CHI3L1: variants seen among roughly 807,000 people sequenced by gnomAD.
CHI3L1 encodes the protein chitinase-3-like protein 1.
CHI3L1 carries 30 observed loss-of-function variants against 40.7 expected under a neutral mutation model. That is an observed-to-expected ratio of 0.74 (90% CI 0.55 to 1.00). CHI3L1 has a LOEUF of 1.00. CHI3L1 is among the 50% of genes least tolerant of loss of function. CHI3L1 has a pLI of 0.00. For missense variants in CHI3L1, 493 were observed against 492.2 expected, an observed-to-expected ratio of 1.00 and a Z score of -0.01; for synonymous variants, 210 against 192.1, an observed-to-expected ratio of 1.09 and a Z score of -0.77.
rs1281134652 is a variant in CHI3L1 at position 203,184,437 on chromosome 1, GCCCTTGA to G, written c.314+132_314+138del. ...GCTTTCTTTGCTACACATCAGGCAGGCCCTTGACAAACAGGTAGGCCTTGTACCTATC... is the reference window on the plus strand; with the variant it reads ...GCTTTCTTTGCTACACATCAGGCAGGCAAACAGGTAGGCCTTGTACCTATC... On this transcript the variant is annotated intron_variant, in intron 4 of 9. Coordinates refer to ENST00000255409, the MANE Select transcript of CHI3L1 (RefSeq NM_001276.4). The G allele has an allele frequency of 5.9e-6, 4 of 677,512 alleles. No individual in the cohort carries two copies. The East Asian group carries it at 1.0e-4, about 17-fold the overall frequency. The allele number at this position is 677,512 out of a possible 1,614,324, so 42.0% of individuals were successfully genotyped here.
rs753255346 is a variant in CHI3L1 at position 203,183,635 on chromosome 1, C to A, written c.465+6G>T. Reference sequence around the variant, plus strand: ...CCTCCCTCCCTGTCCCTGACCTGACCAGCACCTTGATTAGGGTGGTAAAAT... The same window carrying A: ...CCTCCCTCCCTGTCCCTGACCTGACAAGCACCTTGATTAGGGTGGTAAAAT... On this transcript the variant is annotated splice_donor_region_variant and intron_variant, in intron 5 of 9. Coordinates refer to ENST00000255409, the MANE Select transcript of CHI3L1 (RefSeq NM_001276.4). 3 of 1,614,066 alleles carry A rather than the reference C, an allele frequency of 1.9e-6. No homozygotes were observed. Among genetic ancestry groups the A allele is most frequent in the Non-Finnish European group, 2.5e-6 (3 of 1,180,016 alleles).
At position 203,180,603 on chromosome 1, in the gene CHI3L1, A is replaced by G; in HGVS notation, c.761T>C (p.Leu254Pro). Residue 254 changes from leucine (L) to proline (P), a missense_variant, in exon 8 of 10, where the codon CTG becomes CCG. Physicochemically the swap from Leu to Pro is moderately conservative, Grantham distance 98 (BLOSUM62 -3). Coordinates refer to ENST00000255409, the MANE Select transcript of CHI3L1 (RefSeq NM_001276.4). ...CCCGAAGGTGGGGATGCCCATCACC[A>G]GCTTACTGGCAGGAGCCCCCAGCCT... Reference protein sequence around the residue: ...MLRLGAPASKLVMGIPTFGRS... With the variant: ...MLRLGAPASKPVMGIPTFGRS... The G allele has an allele frequency of 1.3e-6, 2 of 1,558,778 alleles. No individual in the cohort carries two copies. Among genetic ancestry groups the G allele is most frequent in the Non-Finnish European group, 1.7e-6 (2 of 1,144,954 alleles).
intron 9 of CHI3L1, 48 bp downstream of exon 9, chr1:203,179,713 G>C (rs1353837814): frequency 6.2e-7 from 1 of 1,614,040 alleles, no homozygotes; most frequent in Non-Finnish European, 8.5e-7. Flanking sequence ...TGGGAGCGGG[G>C]CCTCCTTCTT....
intron 6 of CHI3L1, 25 bp from the exon 7 acceptor site, chr1:203,181,310 G>C (rs1655932384): frequency 1.2e-6 from 2 of 1,611,832 alleles, no homozygotes; most frequent in Non-Finnish European, 1.7e-6. Flanking sequence ...GATGGAGGGT[G>C]AGGCAGGAAA....
Position 203,184,638 on chromosome 1 carries a change from G to A in CHI3L1, c.258-6C>T, listed in dbSNP as rs888352213. Reference sequence around the variant, plus strand: ...GAGTCTTCAGGTTGGGGTTCCTGTGGAGCACAGGGAGGTGGGGAGGGCAGG... The same window carrying A: ...GAGTCTTCAGGTTGGGGTTCCTGTGAAGCACAGGGAGGTGGGGAGGGCAGG... On this transcript the variant is annotated splice_polypyrimidine_tract_variant and splice_region_variant and intron_variant, in intron 3 of 9. Coordinates refer to ENST00000255409, the MANE Select transcript of CHI3L1 (RefSeq NM_001276.4). The A allele has an allele frequency of 6.2e-7, 1 of 1,613,532 alleles. No homozygotes were observed. The highest frequency in any genetic ancestry group is 8.5e-7 in the Non-Finnish European group (1 of 1,179,472).
In CHI3L1 at chr1:203,185,173, C is replaced by G; in HGVS notation, c.257+11G>C. The G allele has an allele frequency of 6.2e-7, 1 of 1,613,260 alleles. No homozygotes were observed. The highest frequency in any genetic ancestry group is 8.5e-7 in the Non-Finnish European group (1 of 1,179,582). ...GCTGGTCCCTCCTCTCCTGGCCAGC[C>G]CTGGCCCAACCTGTTCTTGAGTGTG... On this transcript the variant is annotated intron_variant, in intron 3 of 9. Transcript: ENST00000255409.
intron 6 of CHI3L1, chr1:203,181,804 A>G (rs1182456685): frequency 6.5e-6 from 1 of 154,192 alleles, no homozygotes; most frequent in Non-Finnish European, 1.4e-5. Flanking sequence ...ACTTCAGTCA[A>G]GAATGGGTCT....
At chr1:203,183,836 T>C (rs1371098840) in intron 4 of CHI3L1, 45 bp from the exon 5 acceptor site, 1 of 1,610,398 alleles carries the variant, frequency 6.2e-7, no homozygotes, top group South Asian at 1.1e-5. Flanking sequence ...ACTGATATGC[T>C]AGGTGCCTTG....
At position 203,182,748 on chromosome 1, in the gene CHI3L1, G is replaced by A. The variant is rs773686529; in HGVS notation, c.570C>T (p.Asp190=). The change falls in exon 6 of 10, where the codon GAC becomes GAT. Residue 190 remains aspartate, a synonymous_variant. Transcript: ENST00000255409. The part of the protein sequence containing the change: ...AGKVTIDSSY[D]IAKISQHLDF... ...AGACTCACTGGGATATCTTGGCAAT[G>A]TCATAGCTGCTGTCAATGGTGACCT... is the stretch of plus-strand genomic sequence containing the variant. 2 of 1,614,126 alleles carry A rather than the reference G, an allele frequency of 1.2e-6. No homozygotes were observed. Among genetic ancestry groups the A allele is most frequent in the South Asian group, 2.2e-5 (2 of 91,076 alleles).
At chr1:203,182,688 T>C in intron 6 of CHI3L1, 43 bp downstream of exon 6, 2 of 1,612,428 alleles carry the variant, frequency 1.2e-6, no homozygotes, top group Non-Finnish European at 1.7e-6. Flanking sequence ...AACAGGAGTG[T>C]TGGCAGAGGT....
In CHI3L1 at chr1:203,182,936, C is replaced by T. The variant is rs145282600; in HGVS notation, c.466-84G>A. On this transcript the variant is annotated intron_variant, in intron 5 of 9. Transcript: ENST00000255409. ...ATCGAGGGCGGACTAGGTCTCTGCG[C>T]AACCCATTTGCTGTACTCCCCAACC... 621 of 1,457,038 alleles carry T rather than the reference C, an allele frequency of 4.3e-4. 3 individuals carry two copies. In the East Asian group the frequency reaches 5.5e-3, roughly 13 times the overall value. 90.3% of individuals were successfully genotyped at this position (1,457,038 alleles called of 1,614,324 possible). A position where few individuals can be genotyped will look rare whatever the true frequency, so the allele number is the denominator to read the frequency against.
At position 203,185,355 on chromosome 1, in the gene CHI3L1, G is replaced by A. The variant is rs368281170; in HGVS notation, c.86C>T (p.Thr29Ile). The change falls in exon 3 of 10, where the codon ACC becomes ATC. Residue 29 changes from threonine to isoleucine, a missense_variant. Coordinates refer to ENST00000255409, the MANE Select transcript of CHI3L1 (RefSeq NM_001276.4). ...GCCTTCCCGGTACTGGGACCAGCTG[G>A]TGTAGTAGCAGACCAGTTTGTATGC... is the stretch of plus-strand genomic sequence containing the variant. ...CSAYKLVCYY[T>I]SWSQYREGDG... The A allele has an allele frequency of 2.1e-5, 34 of 1,614,056 alleles. No individual in the cohort carries two copies. The highest frequency in any genetic ancestry group is 3.3e-5 in the Admixed American group (2 of 60,008).
intron 3 of CHI3L1, among the ~76,000 whole-genome samples, chr1:203,184,956 G>T (rs1178124780): frequency 6.6e-6 from 1 of 152,062 alleles, no homozygotes; most frequent in African/African-American, 2.4e-5. Context: ...GCAGGAGAGG[G>T]TTCCCCTCTC....
chr1:203,185,728 G>C (rs1281647194), intron 2 of CHI3L1, among the ~76,000 whole-genome samples: 1 of 152,192 alleles, frequency 6.6e-6, no homozygotes, highest in African/African-American at 2.4e-5. Context: ...GGAAGCAGTG[G>C]CTTTGTGGGA....
chr1:203,180,002 G>A, intron 8 of CHI3L1, 125 bp from the exon 9 acceptor site: 1 of 844,204 alleles, frequency 1.2e-6, no homozygotes, highest in Non-Finnish European at 1.9e-6. Context: ...CTCTCTGCAG[G>A]GTCTGCAGGC....
rs774691241 is a variant in CHI3L1, at chr1:203,179,549, T to C, written c.1048A>G (p.Met350Val). 13 of 1,607,936 alleles carry C rather than the reference T, an allele frequency of 8.1e-6. No homozygotes were observed. The highest frequency in any genetic ancestry group is 4.0e-5 in the African/African-American group (3 of 74,784). ...YLKDRQLAGA[M>V]VWALDLDDFQ... is the part of the protein sequence containing the mutation. The stretch of plus-strand genomic sequence containing the variant: ...TCATCCAGGTCCAGGGCCCATACCA[T>C]GGCGCCCGCCAGCTGCCTGTCCTTC... Residue 350 changes from methionine to valine, a missense_variant, in exon 10 of 10, where the codon ATG (methionine) becomes GTG (valine). By Grantham distance (21) the Met-to-Val change is conservative. Transcript: ENST00000255409.
chr1:203,185,136 G>A (rs1656028467), intron 3 of CHI3L1, 48 bp downstream of exon 3: 4 of 1,570,286 alleles, frequency 2.5e-6, no homozygotes, highest in African/African-American at 1.4e-5. Context: ...GCCCTGCCCT[G>A]GGACCAGCCC....
intron 4 of CHI3L1, 70 bp downstream of exon 4, chr1:203,184,506 C>T (rs2071579): frequency 7.0e-6 from 9 of 1,283,510 alleles, no homozygotes; most frequent in East Asian, 6.9e-5. Flanking sequence ...ACAGTGGATG[C>T]GGGAGACCCA....
intron 3 of CHI3L1, among the ~76,000 whole-genome samples, 168 bp from the exon 4 acceptor site, chr1:203,184,800 T>C (rs1371058705): frequency 1.3e-5 from 2 of 152,172 alleles, no homozygotes; most frequent in Non-Finnish European, 2.9e-5. Flanking sequence ...TAGAGATTCA[T>C]AGTGGTGGAT....
Sources: allele counts gnomAD v4.1 joint callset (sites outside exome capture counted in the v4.1 genomes callset), GRCh38; gene constraint gnomAD v4.1.1; transcripts MANE v1.5; gene names NCBI Gene and HGNC (gene_info 2026-07-23, HGNC 2026-07-21).